TNFRSF11A: variants seen among roughly 807,000 people sequenced by gnomAD.
The protein encoded by TNFRSF11A is tumor necrosis factor receptor superfamily member 11A.
Under a neutral mutation model 55.7 loss-of-function variants are expected in TNFRSF11A, and 32 were observed. That is an observed-to-expected ratio of 0.57 (90% CI 0.43 to 0.77). The LOEUF is 0.77. Among genes scored for constraint, TNFRSF11A ranks in the 30% least tolerant of loss-of-function variants. The pLI, the probability that TNFRSF11A is intolerant of heterozygous loss-of-function variation, is 0.00. For missense variants in TNFRSF11A, 753 were observed against 809.8 expected (o/e 0.93, Z 0.85); for synonymous variants, 311 against 331.0 (o/e 0.94, Z 0.65).
chr18:62,360,360 A>G (rs1309810825), intron 6 of TNFRSF11A, among the ~76,000 whole-genome samples: 1 of 152,172 alleles, frequency 6.6e-6, no homozygotes, highest in Non-Finnish European at 1.5e-5. Flanking sequence ...GAGGGTGTCT[A>G]TGAGGAGATT....
chr18:62,379,540 A>G (rs1225557631), intron 9 of TNFRSF11A, among the ~76,000 whole-genome samples: 1 of 152,244 alleles, frequency 6.6e-6, no homozygotes, highest in East Asian at 1.9e-4. Flanking sequence ...TGAATTGCTA[A>G]AACCTTTTTG....
rs1017013088 is a variant in TNFRSF11A at position 62,369,341 on chromosome 18, G to C, written c.1424G>C (p.Gly475Ala). 3.7e-6 allele frequency: 6 copies of C among 1,609,946 alleles called. No homozygotes were observed. In the African/African-American group the frequency reaches 4.0e-5, roughly 11 times the overall value. The change falls in exon 9 of 10, where the codon GGC (glycine) becomes GCC (alanine). Residue 475 changes from glycine to alanine, a missense_variant. Transcript: ENST00000586569. Reference protein sequence around the residue: ...KRGPLPQCAYGMGLPPEEEAS... With the variant: ...KRGPLPQCAYAMGLPPEEEAS... Reference sequence around the variant, plus strand: ...GGACCCTTGCCCCAGTGCGCCTATGGCATGGGCCTTCCCCCTGAAGAAGAA... The same window carrying C: ...GGACCCTTGCCCCAGTGCGCCTATGCCATGGGCCTTCCCCCTGAAGAAGAA...
At chr18:62,349,380 C>G (rs974374485) in intron 2 of TNFRSF11A, among the ~76,000 whole-genome samples, 4 of 152,070 alleles carry the variant, frequency 2.6e-5, no homozygotes, top group Non-Finnish European at 5.9e-5. Flanking sequence ...CGAGATTTCA[C>G]CATTTGGCCA....
chr18:62,382,672 G>A (rs1225380769), intron 9 of TNFRSF11A, among the ~76,000 whole-genome samples: 2 of 152,012 alleles, frequency 1.3e-5, no homozygotes, highest in South Asian at 4.2e-4. Context: ...AGTGGAACCA[G>A]CTTGCTTCTG....
At chr18:62,326,813 C>T (rs1259820348) in intron 1 of TNFRSF11A, among the ~76,000 whole-genome samples, 1 of 152,200 alleles carries the variant, frequency 6.6e-6, no homozygotes, top group Non-Finnish European at 1.5e-5. Flanking sequence ...TTGCATTGGT[C>T]ATTTCCAATT....
intron 9 of TNFRSF11A, among the ~76,000 whole-genome samples, chr18:62,377,734 G>T (rs889287843): frequency 6.6e-6 from 1 of 152,130 alleles, no homozygotes; most frequent in African/African-American, 2.4e-5. Flanking sequence ...TTTTAATCGG[G>T]TTATTTGTTT....
rs1568489879 is a variant in TNFRSF11A at position 62,368,766 on chromosome 18, A to G, written c.849A>G (p.Glu283=). The part of the protein sequence containing the change: ...TANFGQQGAC[E]GVLLLTLEEK... ...ACTTTGGTCAGCAGGGAGCATGTGA[A>G]GGTGTCTTACTGCTGACTCTGGAGG... Residue 283 remains glutamate (E), a synonymous_variant, in exon 9 of 10, where the codon GAA becomes GAG. Transcript: ENST00000586569. 3.1e-6 allele frequency: 5 copies of G among 1,614,246 alleles called. No individual in the cohort carries two copies. The highest frequency in any genetic ancestry group is 3.4e-6 in the Non-Finnish European group (4 of 1,180,044).
rs1910364343 is a variant in TNFRSF11A, at chr18:62,369,421, C to T, written c.1504C>T (p.Pro502Ser). The change falls in exon 9 of 10, where the codon CCA (proline) becomes TCA (serine). Residue 502 changes from proline (P) to serine (S), a missense_variant. This residue lies in a region of TNFRSF11A where 567 missense variants were observed against 596.7 expected (regional missense o/e 0.95). Coordinates refer to ENST00000586569, the MANE Select transcript of TNFRSF11A (RefSeq NM_003839.4). ...QPEDGADGRL[P>S]SSARAGAGSG... The stretch of plus-strand genomic sequence containing the variant: ...CGAGGATGGGGCTGATGGGAGGCTC[C>T]CAAGCTCAGCGAGGGCAGGTGCCGG... The T allele has an allele frequency of 6.2e-7, 1 of 1,611,212 alleles. No individual in the cohort carries two copies. Among genetic ancestry groups the T allele is most frequent in the Non-Finnish European group, 8.5e-7 (1 of 1,180,036 alleles).
rs149926893 is a variant in TNFRSF11A, at chr18:62,379,690, A to G, written c.1568-5061A>G. 2.8e-4 allele frequency among the ~76,000 whole-genome samples: 42 copies of G among 152,296 alleles called. 1 individual carries two copies. The highest frequency in any genetic ancestry group is 8.9e-4 in the African/African-American group (37 of 41,554). ...TAAAGAACCCAAAACTAGAAATTGT[A>G]GGTAAAGCATTCAAGATACAATTGG... On this transcript the variant is annotated intron_variant, in intron 9 of 9. Transcript: ENST00000586569.
At chr18:62,355,032 G>A (rs1909154902) in intron 4 of TNFRSF11A, among the ~76,000 whole-genome samples, 1 of 152,190 alleles carries the variant, frequency 6.6e-6, no homozygotes, top group Admixed American at 6.5e-5. Flanking sequence ...AACGAATCCA[G>A]GGGAATGTAA....
At chr18:62,366,240 C>T (rs1008020035) in intron 7 of TNFRSF11A, among the ~76,000 whole-genome samples, 5 of 152,212 alleles carry the variant, frequency 3.3e-5, no homozygotes, top group Non-Finnish European at 1.5e-5. Flanking sequence ...GGTCATAATA[C>T]TGAGCCTGAT....
At position 62,366,849 on chromosome 18, in the gene TNFRSF11A, C is replaced by G. The variant is rs945438416; in HGVS notation, c.783+89C>G. The stretch of plus-strand genomic sequence containing the variant: ...CCTAGTCACATATTGAGCACCCCCC[C>G]CCACCCCCACTTTTTTTGAGACGGA... On this transcript the variant is annotated intron_variant, in intron 8 of 9. Transcript: ENST00000586569. 6.0e-6 allele frequency: 8 copies of G among 1,327,092 alleles called. 1 individual carries two copies. The highest frequency in any genetic ancestry group is 3.7e-4 in the Middle Eastern group (2 of 5,386). 82.2% of individuals were successfully genotyped at this position (1,327,092 alleles called of 1,614,324 possible).
In TNFRSF11A at chr18:62,368,722, G is replaced by A. The variant is rs758825585; in HGVS notation, c.805G>A (p.Val269Ile). The part of the protein sequence containing the change: ...GDKESSGDSC[V>I]STHTANFGQQ... ...GCAGGAGTCCTCAGGTGACAGTTGT[G>A]TCAGTACACACACGGCAAACTTTGG... Residue 269 changes from valine (V) to isoleucine (I), a missense_variant, in exon 9 of 10, where the codon GTC (valine) becomes ATC (isoleucine). This residue lies in a region of TNFRSF11A where 567 missense variants were observed against 596.7 expected (regional missense o/e 0.95). Coordinates refer to ENST00000586569, the MANE Select transcript of TNFRSF11A (RefSeq NM_003839.4). 1.9e-6 allele frequency: 3 copies of A among 1,614,246 alleles called. No homozygotes were observed. The highest frequency in any genetic ancestry group is 2.7e-5 in the African/African-American group (2 of 75,066).
chr18:62,347,805 G>A (rs2046405479), intron 1 of TNFRSF11A, among the ~76,000 whole-genome samples: 1 of 151,942 alleles, frequency 6.6e-6, no homozygotes, highest in Non-Finnish European at 1.5e-5. Flanking sequence ...TTGGGAGGCT[G>A]AGGCAGGAGA....
intron 3 of TNFRSF11A, among the ~76,000 whole-genome samples, chr18:62,352,695 G>A (rs1178801063): frequency 6.6e-6 from 1 of 152,192 alleles, no homozygotes; most frequent in Non-Finnish European, 1.5e-5. Context: ...ATGTGTCTGT[G>A]GACGTTCCCA....
intron 7 of TNFRSF11A, among the ~76,000 whole-genome samples, chr18:62,366,107 C>G (rs1910068560): frequency 6.6e-6 from 1 of 152,170 alleles, no homozygotes; most frequent in Non-Finnish European, 1.5e-5. Context: ...TGTGAGCCAC[C>G]GCGCCTGGCC....
chr18:62,368,042 C>T (rs1910230233), intron 8 of TNFRSF11A, among the ~76,000 whole-genome samples: 1 of 152,154 alleles, frequency 6.6e-6, no homozygotes, highest in African/African-American at 2.4e-5. Context: ...GATCCACCCA[C>T]CTTGGTCTCC....
At chr18:62,339,107 A>G (rs2046275555) in intron 1 of TNFRSF11A, among the ~76,000 whole-genome samples, 2 of 152,090 alleles carry the variant, frequency 1.3e-5, no homozygotes, top group African/African-American at 4.8e-5. Context: ...TCATCCCAAC[A>G]GTCTTTACAA....
At chr18:62,364,531 G>A (rs1253484265) in intron 7 of TNFRSF11A, among the ~76,000 whole-genome samples, 1 of 152,100 alleles carries the variant, frequency 6.6e-6, no homozygotes, top group Admixed American at 6.5e-5. Flanking sequence ...TGGCAGGTCT[G>A]CATGTTTATC....
Sources: gnomAD v4.1 joint callset for allele counts (sites outside exome capture counted in the v4.1 genomes callset) on GRCh38, gnomAD v4.1.1 for gene constraint, gnomAD v4.1.1 regional missense constraint, MANE v1.5 for transcripts, NCBI Gene and HGNC (gene_info 2026-07-23, HGNC 2026-07-21) for gene names.